Variants in RANBP17 observed in about 807,000 individuals in gnomAD.
The protein encoded by RANBP17 is ran-binding protein 17.
In RANBP17, 158 loss-of-function variants were observed where a neutral mutation model predicts 141.2. That is an observed-to-expected ratio of 1.12 (90% CI 0.98 to 1.28). The LOEUF is 1.28. Among genes scored for constraint, RANBP17 ranks in the 50% most tolerant of loss-of-function variants. The probability of loss-of-function intolerance (pLI) is 0.00; values close to 1 mark genes in which losing one functional copy is unlikely to be tolerated. For missense variants in RANBP17, 1,438 were observed against 1,290.7 expected, an observed-to-expected ratio of 1.11 and a Z score of -1.75; for synonymous variants, 430 against 450.0, an observed-to-expected ratio of 0.96 and a Z score of 0.56.
intron 5 of RANBP17, chr5:170,897,052 A>G (rs1277993079): frequency 1.1e-6 from 1 of 884,556 alleles, no homozygotes; most frequent in Non-Finnish European, 1.9e-6. Context: ...TGAGGCAATA[A>G]GCAGCTTCCT....
At chr5:170,925,726 C>T (rs1239760241) in intron 12 of RANBP17, among the ~76,000 whole-genome samples, 1 of 152,114 alleles carries the variant, frequency 6.6e-6, no homozygotes, top group Non-Finnish European at 1.5e-5. Context: ...ATTATTACCA[C>T]ATGTGTATGC....
chr5:171,247,432 G>A (rs1765274366), intron 24 of RANBP17, among the ~76,000 whole-genome samples: 1 of 152,136 alleles, frequency 6.6e-6, no homozygotes, highest in Non-Finnish European at 1.5e-5. Flanking sequence ...TTTAAAAAGA[G>A]GAATTTATTG....
At chr5:170,985,897 T>C (rs1192965903) in intron 14 of RANBP17, among the ~76,000 whole-genome samples, 1 of 152,168 alleles carries the variant, frequency 6.6e-6, no homozygotes, top group Non-Finnish European at 1.5e-5. Context: ...TATGCTAGTT[T>C]CCTCCTTTTT....
At chr5:171,164,716 G>A (rs1245408103) in intron 14 of RANBP17, among the ~76,000 whole-genome samples, 1 of 152,096 alleles carries the variant, frequency 6.6e-6, no homozygotes, top group African/African-American at 2.4e-5. Context: ...CATATTTCAG[G>A]AGCAAGAGAG....
chr5:171,157,779 G>T (rs563265397), intron 14 of RANBP17, among the ~76,000 whole-genome samples: 36 of 152,294 alleles, frequency 2.4e-4, no homozygotes, highest in Non-Finnish European at 4.6e-4. Flanking sequence ...CTTTATTTTA[G>T]TAGATGGTCT....
intron 12 of RANBP17, among the ~76,000 whole-genome samples, chr5:170,940,590 A>C (rs919179587): frequency 6.6e-6 from 1 of 152,214 alleles, no homozygotes; most frequent in Non-Finnish European, 1.5e-5. Flanking sequence ...AGTAGTATCA[A>C]AACATATCAA....
chr5:170,892,214 G>A (rs1011468817), intron 3 of RANBP17, among the ~76,000 whole-genome samples, 173 bp from the exon 4 acceptor site: 2 of 150,800 alleles, frequency 1.3e-5, no homozygotes, highest in Non-Finnish European at 2.9e-5. Flanking sequence ...ATGTGCCATG[G>A]TGTTTTGCTG....
At chr5:171,141,749 C>T (rs1757718225) in intron 14 of RANBP17, among the ~76,000 whole-genome samples, 1 of 151,558 alleles carries the variant, frequency 6.6e-6, no homozygotes, top group Admixed American at 6.6e-5. Context: ...AGTGTCTATT[C>T]TGACTTTTGC....
In RANBP17 at chr5:171,183,434, A is replaced by G. The variant is rs761124256; in HGVS notation, c.2038+4A>G. The G allele has an allele frequency of 1.2e-6, 2 of 1,601,922 alleles. No homozygotes were observed. The highest frequency in any genetic ancestry group is 1.1e-5 in the South Asian group (1 of 90,720). ...CGCCTTCTGATGGTAGATCTGGGTA[A>G]GGTTAAGAATTTAAACTCAATTAAT... On this transcript the variant is annotated splice_donor_region_variant and intron_variant, in intron 18 of 27. Transcript: ENST00000523189.
intron 14 of RANBP17, among the ~76,000 whole-genome samples, chr5:171,003,539 C>T (rs1022812982): frequency 8.5e-5 from 13 of 152,148 alleles, no homozygotes; most frequent in Admixed American, 5.9e-4. Flanking sequence ...AGGTAGGTAA[C>T]GGATGGAGAA....
chr5:171,231,100 CTTT>C (rs367751794), intron 22 of RANBP17, among the ~76,000 whole-genome samples: 1 of 120,048 alleles, frequency 8.3e-6, no homozygotes, highest in African/African-American at 3.1e-5. Flanking sequence ...CCATGCCTGG[CTTT>C]TTTTTTTTTT....
chr5:171,119,903 G>T (rs1255817402), intron 14 of RANBP17, among the ~76,000 whole-genome samples: 1 of 152,006 alleles, frequency 6.6e-6, no homozygotes, highest in Non-Finnish European at 1.5e-5. Context: ...GCCGGGCATG[G>T]TGACACATGC....
chr5:171,250,676 G>A lies in RANBP17; in HGVS notation c.2776+7856G>A, dbSNP rs768548831. On this transcript the variant is annotated intron_variant, in intron 24 of 27. Transcript: ENST00000523189. ...ATCCACACAAACAAAAAACAAAAGC[G>A]AACAGGAATAGCTACCCTTGTATCA... 6.2e-4 allele frequency among the ~76,000 whole-genome samples: 94 copies of A among 151,898 alleles called. 1 individual carries two copies. Among genetic ancestry groups the A allele is most frequent in the Non-Finnish European group, 2.5e-4 (17 of 67,972 alleles).
intron 14 of RANBP17, among the ~76,000 whole-genome samples, chr5:170,991,673 A>G (rs1381707151): frequency 1.3e-5 from 2 of 151,970 alleles, no homozygotes; most frequent in Admixed American, 6.6e-5. Context: ...TCTGCGTATC[A>G]GTTTCCTAAC....
At chr5:170,902,084 G>A (rs917024331) in intron 5 of RANBP17, among the ~76,000 whole-genome samples, 2 of 152,168 alleles carry the variant, frequency 1.3e-5, no homozygotes, top group African/African-American at 4.8e-5. Flanking sequence ...GCGGGTTGGG[G>A]AAGTTCTCCT....
At chr5:171,041,539 A>G (rs2127635401) in intron 14 of RANBP17, among the ~76,000 whole-genome samples, 1 of 152,230 alleles carries the variant, frequency 6.6e-6, no homozygotes, top group African/African-American at 2.4e-5. Context: ...TGTTGTGGAA[A>G]CGTCAGGAAC....
At position 171,130,608 on chromosome 5, in the gene RANBP17, G is replaced by T. The variant is rs1025697671; in HGVS notation, c.1711-39522G>T. 2.0e-5 allele frequency among the ~76,000 whole-genome samples: 3 copies of T among 151,506 alleles called. No individual in the cohort carries two copies. The South Asian group carries it at 6.3e-4, about 32-fold the overall frequency. On this transcript the variant is annotated intron_variant, in intron 14 of 27. Transcript: ENST00000523189. ...TGCGCCACCATGCCTGGCTAATTTT[G>T]TATTTTTAGTAGAGACGGGGTTTCT...
intron 12 of RANBP17, among the ~76,000 whole-genome samples, chr5:170,931,046 A>G (rs1383688303): frequency 2.0e-5 from 3 of 152,120 alleles, no homozygotes; most frequent in East Asian, 1.9e-4. Context: ...AAGCGTTCCT[A>G]TTTCTCCACA....
At chr5:171,073,651 C>T (rs139171110) in intron 14 of RANBP17, among the ~76,000 whole-genome samples, 127 of 152,156 alleles carry the variant, frequency 8.3e-4, no homozygotes, top group African/African-American at 2.8e-3. Flanking sequence ...GTGTAAAGGC[C>T]TAGAAGCAGT....
Sources: gnomAD v4.1 joint callset for allele counts (sites outside exome capture counted in the v4.1 genomes callset) on GRCh38, gnomAD v4.1.1 for gene constraint, MANE v1.5 for transcripts, NCBI Gene and HGNC (gene_info 2026-07-23, HGNC 2026-07-21) for gene names.